Variants in EIF3D observed in about 807,000 individuals in gnomAD.
EIF3D encodes the protein eIF3 p66.
Under a neutral mutation model 75.4 loss-of-function variants are expected in EIF3D, and 10 were observed. The ratio of observed to expected loss-of-function variants is 0.13; its 90% CI spans 0.08 to 0.22. EIF3D has a LOEUF of 0.22. Ranked by LOEUF, EIF3D falls within the 10% of genes least tolerant of loss-of-function variation. The probability of loss-of-function intolerance (pLI) is 1.00; values close to 1 mark genes in which losing one functional copy is unlikely to be tolerated. For synonymous variants in EIF3D, 246 were observed against 248.3 expected, an observed-to-expected ratio of 0.99 and a Z score of 0.09; for missense variants, 394 against 708.0, an observed-to-expected ratio of 0.56 and a Z score of 5.03.
chr22:36,520,718 A>G, intron 6 of EIF3D, 30 bp from the exon 7 acceptor site: 1 of 1,498,266 alleles, frequency 6.7e-7, no homozygotes. Context: ...GAGGAAAAAA[A>G]AGTTATAGTC....
At chr22:36,516,445 G>A (rs1210728426) in intron 12 of EIF3D, 33 bp downstream of exon 12, 2 of 1,606,606 alleles carry the variant, frequency 1.2e-6, no homozygotes, top group Non-Finnish European at 1.7e-6. Context: ...GAGACATGGT[G>A]TCACCAGGAG....
chr22:36,511,243 A>T (rs1934329261), intron 14 of EIF3D: 2 of 817,712 alleles, frequency 2.4e-6, no homozygotes, highest in Non-Finnish European at 3.7e-6. Context: ...CACCGGCTTC[A>T]ATCTGGGACT....
chr22:36,513,068 G>C (rs982889348), intron 12 of EIF3D: 4 of 154,924 alleles, frequency 2.6e-5, no homozygotes, highest in East Asian at 1.9e-4. Context: ...GGCCTTAGAT[G>C]GGGGTGGAAG....
At chr22:36,514,899 T>C (rs1470789870) in intron 12 of EIF3D, among the ~76,000 whole-genome samples, 1 of 152,160 alleles carries the variant, frequency 6.6e-6, no homozygotes, top group Non-Finnish European at 1.5e-5. Context: ...GACTGGATCA[T>C]GGGGGCAGAC....
At chr22:36,523,765 C>G in intron 5 of EIF3D, 130 bp downstream of exon 5, 1 of 867,224 alleles carries the variant, frequency 1.2e-6, no homozygotes, top group Non-Finnish European at 1.9e-6. Context: ...GGGGGCTTAA[C>G]TGGTTGTAGA....
In EIF3D at chr22:36,511,528, CTCTTCCTCCTCA is replaced by C. The variant is rs1258264498; in HGVS notation, c.1596_1607del (p.Asp532_Glu535del). 20 of 1,613,850 alleles carry C rather than the reference CTCTTCCTCCTCA, an allele frequency of 1.2e-5. No homozygotes were observed. The highest frequency in any genetic ancestry group is 1.6e-5 in the Non-Finnish European group (19 of 1,179,930). Reference sequence around the variant, plus strand: ...CTTCTTCTTCCTCTTCTTCCTCCTCCTCTTCCTCCTCATCTTCATCAGAGCTGAAGGTGCCAT... The same window carrying C: ...CTTCTTCTTCCTCTTCTTCCTCCTCCTCTTCATCAGAGCTGAAGGTGCCAT... On this transcript the variant is annotated inframe_deletion, in exon 14 of 15. Transcript: ENST00000216190.
rs771870770 is a variant in EIF3D, at chr22:36,520,661, G to A, written c.493C>T (p.Arg165Cys). 10 of 1,612,816 alleles carry A rather than the reference G, an allele frequency of 6.2e-6. No individual in the cohort carries two copies. The highest frequency in any genetic ancestry group is 8.5e-6 in the Non-Finnish European group (10 of 1,179,266). The change falls in exon 7 of 15, where the codon CGT becomes TGT. Residue 165 changes from arginine to cysteine, a missense_variant. Physicochemically the swap from Arg to Cys is radical, Grantham distance 180. Transcript: ENST00000216190. ...TCCTCTTTCACTTCCCAATCACTACGAACTTCAACTGAAGAGTCTCGGGGT... is the reference window on the plus strand; with the variant it reads ...TCCTCTTTCACTTCCCAATCACTACAAACTTCAACTGAAGAGTCTCGGGGT... ...QKPRDSSVEVRSDWEVKEEMD... is the reference protein window; with the variant it reads ...QKPRDSSVEVCSDWEVKEEMD...
At chr22:36,517,914 A>G (rs998014767) in intron 9 of EIF3D, among the ~76,000 whole-genome samples, 111 of 151,914 alleles carry the variant, frequency 7.3e-4, no homozygotes, top group African/African-American at 2.6e-3. Context: ...CACCTGGCTA[A>G]TTTTTGTATT....
chr22:36,511,699 C>T lies in EIF3D; in HGVS notation c.1437G>A (p.Gln479=). Residue 479 remains glutamine, a synonymous_variant, in exon 14 of 15, where the codon CAG becomes CAA. Transcript: ENST00000216190. ...AGGCATTCTCCACGCTCAGGTTGAT[C>T]TGGCTGGCAAACTCATTAGGCTTGA... ...QQFKPNEFAS[Q]INLSVENAWG... is the part of the protein sequence containing the mutation. 1.2e-6 allele frequency: 2 copies of T among 1,614,144 alleles called. No individual in the cohort carries two copies. The highest frequency in any genetic ancestry group is 1.7e-6 in the Non-Finnish European group (2 of 1,180,038).
intron 14 of EIF3D, chr22:36,511,212 G>A: frequency 1.2e-6 from 1 of 809,770 alleles, no homozygotes; most frequent in Non-Finnish European, 1.9e-6. Flanking sequence ...TTAACCCGGA[G>A]CGGAGCTTTT....
At position 36,512,525 on chromosome 22, in the gene EIF3D, G is replaced by A. The variant is rs750207018; in HGVS notation, c.1284C>T (p.Asn428=). Residue 428 remains asparagine, a synonymous_variant, in exon 13 of 15, where the codon AAC becomes AAT. Coordinates refer to ENST00000216190, the MANE Select transcript of EIF3D (RefSeq NM_003753.4). ...GAVIATELKN[N]SYKLARWTCC... is the part of the protein sequence containing the mutation. ...AGGTCCACCGGGCCAACTTGTAGCT[G>A]TTGTTCTTCAGCTCCGTGGCAATGA... The A allele has an allele frequency of 2.5e-6, 4 of 1,614,208 alleles. No homozygotes were observed. The South Asian group carries it at 3.3e-5, about 13-fold the overall frequency.
intron 6 of EIF3D, 86 bp downstream of exon 6, chr22:36,523,123 A>G (rs773175035): frequency 9.3e-7 from 1 of 1,073,394 alleles, no homozygotes; most frequent in East Asian, 2.4e-5. Context: ...ACGGTATGTG[A>G]AGTATATCTC....
intron 1 of EIF3D, among the ~76,000 whole-genome samples, chr22:36,527,491 G>A (rs1934623795): frequency 6.6e-6 from 1 of 152,210 alleles, no homozygotes; most frequent in Admixed American, 6.5e-5. Flanking sequence ...ATCTTCCGTT[G>A]TAACCTTCTG....
At chr22:36,514,195 GA>G (rs1305628171) in intron 12 of EIF3D, among the ~76,000 whole-genome samples, 11 of 152,218 alleles carry the variant, frequency 7.2e-5, no homozygotes, top group Admixed American at 4.6e-4. Context: ...CGGGACTGGG[GA>G]CACATGGAAG....
chr22:36,520,881 C>G (rs751200789), intron 6 of EIF3D, among the ~76,000 whole-genome samples, 193 bp from the exon 7 acceptor site: 4 of 152,208 alleles, frequency 2.6e-5, no homozygotes, highest in Non-Finnish European at 4.4e-5. Context: ...GATTGCACTA[C>G]TGCACTCCAG....
In EIF3D at chr22:36,511,669, G is replaced by T. The variant is rs202030300; in HGVS notation, c.1467C>A (p.Gly489=). ...QINLSVENAW[G]ILRCVIDICM... ...AGATGTCAATGACGCAGCGTAAAATGCCCCAGGCATTCTCCACGCTCAGGT... is the reference window on the plus strand; with the variant it reads ...AGATGTCAATGACGCAGCGTAAAATTCCCCAGGCATTCTCCACGCTCAGGT... The change falls in exon 14 of 15, where the codon GGC becomes GGA. Residue 489 remains glycine (G), a synonymous_variant. Transcript: ENST00000216190. 25 of 1,614,126 alleles carry T rather than the reference G, an allele frequency of 1.5e-5. No individual in the cohort carries two copies. In the Admixed American group the frequency reaches 1.7e-4, roughly 11 times the overall value.
rs567355610 is a variant in EIF3D at position 36,513,414 on chromosome 22, T to C, written c.1207-812A>G. Among the ~76,000 whole-genome samples, 10 of 152,240 alleles carry C rather than the reference T, an allele frequency of 6.6e-5. No individual in the cohort carries two copies. The South Asian group carries it at 1.9e-3, about 28-fold the overall frequency. ...GCCTCCCGGGTTCAAGTGATTCTCCTACCTCAGCCTCCCTAGTAGTTGGGA... is the reference window on the plus strand; with the variant it reads ...GCCTCCCGGGTTCAAGTGATTCTCCCACCTCAGCCTCCCTAGTAGTTGGGA... On this transcript the variant is annotated intron_variant, in intron 12 of 14. Coordinates refer to ENST00000216190, the MANE Select transcript of EIF3D (RefSeq NM_003753.4).
chr22:36,517,115 C>G (rs1934439203), intron 10 of EIF3D, among the ~76,000 whole-genome samples, 186 bp downstream of exon 10: 1 of 152,134 alleles, frequency 6.6e-6, no homozygotes, highest in South Asian at 2.1e-4. Context: ...TCTGTAAGGG[C>G]AGGAACTTTG....
At chr22:36,512,308 T>C in intron 13 of EIF3D, 152 bp downstream of exon 13, 2 of 1,039,704 alleles carry the variant, frequency 1.9e-6, no homozygotes, top group Non-Finnish European at 2.8e-6. Flanking sequence ...TGTTTGGCAT[T>C]TGTCTCCTAA....
Sources: gnomAD v4.1 joint callset for allele counts (sites outside exome capture counted in the v4.1 genomes callset) on GRCh38, gnomAD v4.1.1 for gene constraint, MANE v1.5 for transcripts, NCBI Gene and HGNC (gene_info 2026-07-23, HGNC 2026-07-21) for gene names.